The following THSD7A variants were observed in gnomAD, a reference collection of about 807,000 sequenced individuals.
The protein encoded by THSD7A is thrombospondin type-1 domain-containing protein 7A.
Under a neutral mutation model 231.3 loss-of-function variants are expected in THSD7A, and 96 were observed. The ratio of observed to expected loss-of-function variants is 0.41; its 90% CI spans 0.35 to 0.49. The LOEUF is 0.49. THSD7A is among the 20% of genes least tolerant of loss of function. The probability of loss-of-function intolerance (pLI) is 0.05; values close to 1 mark genes in which losing one functional copy is unlikely to be tolerated. For missense variants in THSD7A, 2,290 were observed against 2,070.2 expected (o/e 1.11, Z -2.06); for synonymous variants, 940 against 743.3 (o/e 1.26, Z -4.30).
intron 1 of THSD7A, among the ~76,000 whole-genome samples, chr7:11,698,016 T>A (rs1479876754): frequency 6.6e-6 from 1 of 151,488 alleles, no homozygotes; most frequent in East Asian, 2.0e-4. Context: ...TTGACTGTTT[T>A]TACTGTATAA....
intron 22 of THSD7A, among the ~76,000 whole-genome samples, chr7:11,403,557 T>A (rs1333702458): frequency 6.6e-6 from 1 of 152,186 alleles, no homozygotes; most frequent in Non-Finnish European, 1.5e-5. Flanking sequence ...GTTAAAAAAA[T>A]TCCTGTCAAT....
At chr7:11,445,023 T>TG (rs750738456) in intron 13 of THSD7A, among the ~76,000 whole-genome samples, 1 of 151,376 alleles carries the variant, frequency 6.6e-6, no homozygotes, top group South Asian at 2.1e-4. Context: ...TATGTCACCA[T>TG]ACACTTTGAT....
chr7:11,465,733 A>C (rs1434917417), intron 9 of THSD7A, among the ~76,000 whole-genome samples: 2 of 152,138 alleles, frequency 1.3e-5, no homozygotes, highest in Non-Finnish European at 2.9e-5. Flanking sequence ...ATGAGGAAGA[A>C]GCCTCTGCAA....
At chr7:11,655,538 C>G (rs1457445183) in intron 1 of THSD7A, among the ~76,000 whole-genome samples, 1 of 151,906 alleles carries the variant, frequency 6.6e-6, no homozygotes, top group Non-Finnish European at 1.5e-5. Flanking sequence ...CCTAATAAGA[C>G]TCTTGTCTTA....
chr7:11,539,162 A>G lies in THSD7A; in HGVS notation c.1822+2257T>C, dbSNP rs1424129590. ...CAAAACAACATTTGGTGCAGCTGCT[A>G]AACACTTACCAGGTGACCACATGAT... On this transcript the variant is annotated intron_variant, in intron 6 of 27. Transcript: ENST00000423059. 2.6e-5 allele frequency among the ~76,000 whole-genome samples: 4 copies of G among 152,184 alleles called. No homozygotes were observed. The South Asian group carries it at 8.3e-4, about 31-fold the overall frequency.
intron 2 of THSD7A, among the ~76,000 whole-genome samples, chr7:11,631,908 A>AAT (rs937074136): frequency 6.6e-6 from 1 of 152,188 alleles, no homozygotes; most frequent in African/African-American, 2.4e-5. Context: ...AACACTCATA[A>AAT]GAGTTAGTAC....
At chr7:11,518,115 C>G (rs1054393994) in intron 6 of THSD7A, among the ~76,000 whole-genome samples, 2 of 152,176 alleles carry the variant, frequency 1.3e-5, no homozygotes, top group Admixed American at 6.5e-5. Flanking sequence ...TGCTTAGAGT[C>G]TAGGGCATAG....
chr7:11,755,041 A>G (rs1200874218), intron 1 of THSD7A, among the ~76,000 whole-genome samples: 3 of 152,206 alleles, frequency 2.0e-5, no homozygotes, highest in Admixed American at 6.6e-5. Context: ...AATTATATAC[A>G]TGATCAGTAG....
At chr7:11,771,551 G>T (rs1368188202) in intron 1 of THSD7A, among the ~76,000 whole-genome samples, 1 of 151,842 alleles carries the variant, frequency 6.6e-6, no homozygotes, top group East Asian at 1.9e-4. Flanking sequence ...AAAGATATCA[G>T]CTATTGCTAA....
chr7:11,737,886 C>A (rs1224871229), intron 1 of THSD7A, among the ~76,000 whole-genome samples: 1 of 152,008 alleles, frequency 6.6e-6, no homozygotes, highest in South Asian at 2.1e-4. Flanking sequence ...GTGAGTATCA[C>A]TATTTAGTCA....
chr7:11,618,506 A>G (rs901928174), intron 2 of THSD7A, among the ~76,000 whole-genome samples: 2 of 152,132 alleles, frequency 1.3e-5, no homozygotes, highest in African/African-American at 2.4e-5. Context: ...ATGATGTAAG[A>G]AGGAGAAGAA....
intron 1 of THSD7A, among the ~76,000 whole-genome samples, chr7:11,732,228 C>A (rs1185737045): frequency 6.6e-6 from 1 of 151,598 alleles, no homozygotes; most frequent in African/African-American, 2.4e-5. Flanking sequence ...CACACAACAC[C>A]CTTTGGTTAT....
intron 4 of THSD7A, among the ~76,000 whole-genome samples, chr7:11,583,686 T>C (rs1322779757): frequency 2.6e-5 from 4 of 152,192 alleles, no homozygotes; most frequent in Non-Finnish European, 5.9e-5. Flanking sequence ...GCATAATTCA[T>C]AATTTTGGAT....
chr7:11,410,703 C>A lies in THSD7A; in HGVS notation c.3798+504G>T, dbSNP rs939572791. 3.3e-5 allele frequency among the ~76,000 whole-genome samples: 5 copies of A among 152,066 alleles called. No individual in the cohort carries two copies. The East Asian group carries it at 9.7e-4, about 29-fold the overall frequency. On this transcript the variant is annotated intron_variant, in intron 19 of 27. Transcript: ENST00000423059. ...GTACCTAGAAGATAGTAATGGCTGACTTCATTCCTCTGTTTGAATTTCAGG... is the reference window on the plus strand; with the variant it reads ...GTACCTAGAAGATAGTAATGGCTGAATTCATTCCTCTGTTTGAATTTCAGG...
intron 1 of THSD7A, among the ~76,000 whole-genome samples, chr7:11,815,830 A>G (rs1210738228): frequency 6.6e-6 from 1 of 152,100 alleles, no homozygotes; most frequent in African/African-American, 2.4e-5. Flanking sequence ...TGTGTCATCC[A>G]TCCATTCCCT....
At chr7:11,736,901 C>T (rs777188568) in intron 1 of THSD7A, among the ~76,000 whole-genome samples, 5 of 151,940 alleles carry the variant, frequency 3.3e-5, no homozygotes, top group Non-Finnish European at 7.4e-5. Flanking sequence ...GGGGCAGTTT[C>T]CCCCATCCTA....
At chr7:11,582,301 C>A (rs1249184878) in intron 4 of THSD7A, among the ~76,000 whole-genome samples, 2 of 151,246 alleles carry the variant, frequency 1.3e-5, no homozygotes, top group African/African-American at 4.9e-5. Flanking sequence ...TTATTAAAAC[C>A]AAAATATGTA....
intron 1 of THSD7A, among the ~76,000 whole-genome samples, chr7:11,697,947 A>G (rs940427245): frequency 2.0e-5 from 3 of 151,386 alleles, no homozygotes; most frequent in African/African-American, 7.3e-5. Flanking sequence ...CAAGTGACTG[A>G]TACTTGGTTC....
intron 4 of THSD7A, among the ~76,000 whole-genome samples, chr7:11,556,934 G>A (rs908695146): frequency 1.1e-4 from 16 of 151,938 alleles, no homozygotes; most frequent in Non-Finnish European, 1.5e-4. Flanking sequence ...GTCTTGGCAT[G>A]TATTTCTTCA....
Sources: gnomAD v4.1 joint callset for allele counts (sites outside exome capture counted in the v4.1 genomes callset) on GRCh38, gnomAD v4.1.1 for gene constraint, MANE v1.5 for transcripts, NCBI Gene and HGNC (gene_info 2026-07-23, HGNC 2026-07-21) for gene names.